The following RGS12 variants were observed in gnomAD, a reference collection of about 807,000 sequenced individuals.
RGS12 encodes the protein regulator of G protein signaling 12.
Under a neutral mutation model 120.1 loss-of-function variants are expected in RGS12, and 66 were observed. The observed-to-expected ratio is 0.55, with a 90% CI of 0.45 to 0.67. The LOEUF is 0.67. RGS12 is among the 30% of genes least tolerant of loss of function. RGS12 has a pLI of 0.00. For synonymous variants in RGS12, 827 were observed against 804.7 expected (o/e 1.03, Z -0.47); for missense variants, 1,859 against 1,957.7 (o/e 0.95, Z 0.95).
intron 5 of RGS12, 32 bp downstream of exon 5, chr4:3,414,273 C>T (rs113509553): frequency 5.4e-5 from 82 of 1,510,618 alleles, no homozygotes; most frequent in South Asian, 2.7e-4. Context: ...AGCAGCGGAG[C>T]GGTCTGTGCT....
At chr4:3,306,975 G>A (rs1181664796) in intron 1 of RGS12, among the ~76,000 whole-genome samples, 2 of 152,222 alleles carry the variant, frequency 1.3e-5, no homozygotes, top group Non-Finnish European at 2.9e-5. Context: ...ACTAAGCAAT[G>A]TGCCAGGGTG....
intron 3 of RGS12, among the ~76,000 whole-genome samples, chr4:3,375,116 G>A (rs1685222818): frequency 6.6e-6 from 1 of 152,202 alleles, no homozygotes; most frequent in African/African-American, 2.4e-5. Context: ...GGAGCTCAGG[G>A]GCCAGACTGA....
chr4:3,396,693 G>A (rs992950300), intron 4 of RGS12, among the ~76,000 whole-genome samples: 4 of 152,144 alleles, frequency 2.6e-5, no homozygotes, highest in Admixed American at 1.3e-4. Flanking sequence ...TAGTGCTATA[G>A]TCTTCATTTT....
intron 2 of RGS12, among the ~76,000 whole-genome samples, chr4:3,340,003 A>G (rs759087388): frequency 2.0e-5 from 3 of 152,224 alleles, no homozygotes; most frequent in Non-Finnish European, 4.4e-5. Flanking sequence ...AGAATAGCAA[A>G]TCTATAATGA....
Position 3,317,276 on chromosome 4 carries a change from C to G in RGS12, c.1106C>G (p.Thr369Ser). Reference protein sequence around the residue: ...FGFECTADPDTNGCLEFPASS... With the variant: ...FGFECTADPDSNGCLEFPASS... ...TTTGAGTGCACGGCCGACCCAGACA[C>G]CAATGGCTGTCTGGAATTCCCGGCG... Residue 369 changes from threonine (T) to serine (S), a missense_variant, in exon 2 of 18, where the codon ACC (threonine) becomes AGC (serine). Thr to Ser is a moderately conservative substitution (Grantham distance 58). Coordinates refer to ENST00000336727, the MANE Select transcript of RGS12 (RefSeq NM_001394154.1). 6.2e-7 allele frequency: 1 copy of G among 1,614,182 alleles called. No homozygotes were observed. The highest frequency in any genetic ancestry group is 8.5e-7 in the Non-Finnish European group (1 of 1,180,044).
intron 1 of RGS12, among the ~76,000 whole-genome samples, chr4:3,308,825 G>A (rs144271684): frequency 6.6e-6 from 1 of 152,386 alleles, no homozygotes; most frequent in African/African-American, 2.4e-5. Flanking sequence ...TGTCAGGATT[G>A]TGCTGTCATC....
intron 4 of RGS12, 111 bp from the exon 5 acceptor site, chr4:3,413,961 G>T: frequency 8.9e-7 from 1 of 1,123,358 alleles, no homozygotes; most frequent in Non-Finnish European, 1.2e-6. Context: ...AATGGGTGTT[G>T]GAGGGGACAG....
Position 3,318,025 on chromosome 4 carries a change from G to A in RGS12, c.1855G>A (p.Val619Ile). Residue 619 changes from valine (V) to isoleucine (I), a missense_variant, in exon 2 of 18, where the codon GTT becomes ATT. Transcript: ENST00000336727. ...AAGCATTTTTGGTCCCCATCGAAATGTTCGAAAGACTAAGGAAGATAAAAA... is the reference window on the plus strand; with the variant it reads ...AAGCATTTTTGGTCCCCATCGAAATATTCGAAAGACTAAGGAAGATAAAAA... ...MQSIFGPHRN[V>I]RKTKEDKKGS... 4 of 1,611,612 alleles carry A rather than the reference G, an allele frequency of 2.5e-6. No individual in the cohort carries two copies. Among genetic ancestry groups the A allele is most frequent in the South Asian group, 1.1e-5 (1 of 90,710 alleles).
intron 3 of RGS12, among the ~76,000 whole-genome samples, chr4:3,383,841 C>A (rs1263255521): frequency 6.6e-6 from 1 of 152,200 alleles, no homozygotes; most frequent in Non-Finnish European, 1.5e-5. Flanking sequence ...GGGCATCACA[C>A]ACTCCCTGGC....
chr4:3,348,495 T>C (rs1255100579), intron 3 of RGS12, among the ~76,000 whole-genome samples: 3 of 152,210 alleles, frequency 2.0e-5, no homozygotes, highest in Non-Finnish European at 2.9e-5. Context: ...TTGAATTTAA[T>C]GAGACATAGG....
At chr4:3,344,884 G>A (rs1248732453) in intron 3 of RGS12, among the ~76,000 whole-genome samples, 1 of 152,236 alleles carries the variant, frequency 6.6e-6, no homozygotes, top group Non-Finnish European at 1.5e-5. Flanking sequence ...CCTGCTCGCT[G>A]CTGGCTGCCT....
intron 3 of RGS12, among the ~76,000 whole-genome samples, chr4:3,380,286 T>C (rs1453553744): frequency 6.6e-6 from 1 of 152,260 alleles, no homozygotes. Flanking sequence ...TCTGCCTCTT[T>C]GGCTTTGCAG....
chr4:3,367,938 C>T (rs1423667470), intron 3 of RGS12, among the ~76,000 whole-genome samples: 2 of 152,254 alleles, frequency 1.3e-5, no homozygotes, highest in Non-Finnish European at 2.9e-5. Context: ...ACCACGTAGA[C>T]AATGTGAAAT....
chr4:3,398,803 C>T (rs1365444965), intron 4 of RGS12, among the ~76,000 whole-genome samples: 3 of 151,466 alleles, frequency 2.0e-5, no homozygotes, highest in Admixed American at 6.6e-5. Context: ...ATCTAACAGA[C>T]ACATAGAGAG....
intron 3 of RGS12, among the ~76,000 whole-genome samples, chr4:3,358,937 C>A (rs1231463618): frequency 1.1e-5 from 1 of 87,160 alleles, no homozygotes; most frequent in African/African-American, 4.8e-5. Context: ...CTCCTCCTCC[C>A]CTTCCTCCCC....
At position 3,394,887 on chromosome 4, in the gene RGS12, G is replaced by C. The variant is rs148395351; in HGVS notation, c.2020+8450G>C. Among the ~76,000 whole-genome samples the C allele has an allele frequency of 1.1e-4, 17 of 152,194 alleles. No homozygotes were observed. In the East Asian group the frequency reaches 3.1e-3, roughly 28 times the overall value. On this transcript the variant is annotated intron_variant, in intron 4 of 17. Transcript: ENST00000336727. Reference sequence around the variant, plus strand: ...TCAAACTTAAAAAAAAAAGAAGACTGACTGGGCACAGTGGTTCACATCTGT... The same window carrying C: ...TCAAACTTAAAAAAAAAAGAAGACTCACTGGGCACAGTGGTTCACATCTGT...
At chr4:3,388,631 C>A (rs986479789) in intron 4 of RGS12, among the ~76,000 whole-genome samples, 2 of 151,974 alleles carry the variant, frequency 1.3e-5, no homozygotes, top group Non-Finnish European at 2.9e-5. Context: ...CCTGGAGAGT[C>A]CCCCGCTCCA....
Position 3,317,934 on chromosome 4 carries a change from C to A in RGS12, c.1764C>A (p.Gly588=), listed in dbSNP as rs1724906361. 6.2e-7 allele frequency: 1 copy of A among 1,614,068 alleles called. No homozygotes were observed. The highest frequency in any genetic ancestry group is 8.5e-7 in the Non-Finnish European group (1 of 1,180,052). Residue 588 remains glycine (G), a synonymous_variant, in exon 2 of 18, where the codon GGC becomes GGA. Coordinates refer to ENST00000336727, the MANE Select transcript of RGS12 (RefSeq NM_001394154.1). ...CCGCAGACCGCTACAGGGTGGAGGG[C>A]AGCTTCGCGCAGCCCCCGCTGAATG... ...KIPADRYRVE[G]SFAQPPLNAP...
intron 3 of RGS12, among the ~76,000 whole-genome samples, chr4:3,345,477 C>CTGG (rs1269230307): frequency 1.3e-5 from 2 of 152,206 alleles, no homozygotes; most frequent in Admixed American, 1.3e-4. Flanking sequence ...CCCCTTGGTG[C>CTGG]TGGGATGGAG....
Sources: gnomAD v4.1 joint callset for allele counts (sites outside exome capture counted in the v4.1 genomes callset) on GRCh38, gnomAD v4.1.1 for gene constraint, MANE v1.5 for transcripts, NCBI Gene and HGNC (gene_info 2026-07-23, HGNC 2026-07-21) for gene names.